RETREG1: variants seen among roughly 807,000 people sequenced by gnomAD.
RETREG1 encodes the protein family with sequence similarity 134 member B.
RETREG1 carries 44 observed loss-of-function variants against 54.8 expected under a neutral mutation model. The ratio of observed to expected loss-of-function variants is 0.80; its 90% CI spans 0.63 to 1.03. The LOEUF (loss-of-function observed/expected upper bound fraction) is 1.03, where lower values mean the gene tolerates loss of function less well. Ranked by LOEUF, RETREG1 falls within the 50% of genes least tolerant of loss-of-function variation. RETREG1 has a pLI of 0.00. For synonymous variants in RETREG1, 217 were observed against 238.5 expected (o/e 0.91, Z 0.83); for missense variants, 554 against 605.1 (o/e 0.92, Z 0.89).
intron 2 of RETREG1, among the ~76,000 whole-genome samples, chr5:16,568,551 G>A (rs1365817464): frequency 6.6e-6 from 1 of 152,128 alleles, no homozygotes; most frequent in Non-Finnish European, 1.5e-5. Flanking sequence ...GAGGTCATGC[G>A]GAGGCATGAG....
chr5:16,581,521 AACACAACACACACAC>A (rs1476403234), intron 1 of RETREG1, among the ~76,000 whole-genome samples: 33 of 85,220 alleles, frequency 3.9e-4, no homozygotes, highest in African/African-American at 9.5e-4. Flanking sequence ...TAAGTTCAGA[AACACAACACACACAC>A]ACACACACAC....
intron 3 of RETREG1, among the ~76,000 whole-genome samples, chr5:16,521,847 T>C (rs2126581841): frequency 1.3e-5 from 2 of 152,374 alleles, no homozygotes; most frequent in Middle Eastern, 6.8e-3. Context: ...ATTTACCCAG[T>C]AGTTTTTGGA....
rs900299975 is a variant in RETREG1 at position 16,473,440 on chromosome 5, G to A, written c.*1301C>T. ...AATATAAGGGATAAAATGAAAGGAA[G>A]AGAACACAGATTTCCTATATTCTTG... On this transcript the variant is annotated 3_prime_UTR_variant, in exon 9 of 9. Transcript: ENST00000306320. The A allele has an allele frequency of 2.0e-5, 3 of 152,566 alleles. No homozygotes were observed. Among genetic ancestry groups the A allele is most frequent in the African/African-American group, 7.2e-5 (3 of 41,440 alleles). 9.5% of individuals were successfully genotyped at this position (152,566 alleles called of 1,614,324 possible).
At chr5:16,579,300 G>C (rs1255992143) in intron 1 of RETREG1, among the ~76,000 whole-genome samples, 2 of 152,152 alleles carry the variant, frequency 1.3e-5, no homozygotes. Flanking sequence ...TCAGAAACTT[G>C]CTCAAGGCCC....
intron 3 of RETREG1, 102 bp from the exon 4 acceptor site, chr5:16,483,574 C>T: frequency 1.1e-5 from 14 of 1,271,618 alleles, no homozygotes; most frequent in Non-Finnish European, 1.6e-5. Flanking sequence ...GTTGGCCACA[C>T]CCTCTGGAAA....
Position 16,532,474 on chromosome 5 carries a change from C to T in RETREG1, c.458+33289G>A, listed in dbSNP as rs1374889962. ...CTGGGAGGCGGAGGTTGTAGTGAGC[C>T]GAGATTGCACCACTGCACTTGAGCT... On this transcript the variant is annotated intron_variant, in intron 3 of 8. Coordinates refer to ENST00000306320, the MANE Select transcript of RETREG1 (RefSeq NM_001034850.3). Among the ~76,000 whole-genome samples the T allele has an allele frequency of 3.3e-5, 5 of 152,142 alleles. 1 individual carries two copies. Among genetic ancestry groups the T allele is most frequent in the South Asian group, 4.1e-4 (2 of 4,824 alleles).
In RETREG1 at chr5:16,598,025, G is replaced by A. The variant is rs114720968; in HGVS notation, c.320+18627C>T. Among the ~76,000 whole-genome samples the A allele has an allele frequency of 6.6e-5, 10 of 151,908 alleles. No homozygotes were observed. In the East Asian group the frequency reaches 1.6e-3, roughly 24 times the overall value. ...CCACTCCAGTTCCAGGCTCTTCACC[G>A]TGCCCTACCTCCTGCCCTGCCTCAC... is the stretch of plus-strand genomic sequence containing the variant. On this transcript the variant is annotated intron_variant, in intron 1 of 8. Transcript: ENST00000306320.
At chr5:16,476,985 A>G (rs534390276) in intron 8 of RETREG1, among the ~76,000 whole-genome samples, 1 of 152,210 alleles carries the variant, frequency 6.6e-6, no homozygotes, top group East Asian at 1.9e-4. Context: ...TCAGCTTTGG[A>G]CTCAGGGAAC....
At position 16,571,133 on chromosome 5, in the gene RETREG1, C is replaced by T. The variant is rs139875872; in HGVS notation, c.427+863G>A. On this transcript the variant is annotated intron_variant, in intron 2 of 8. Coordinates refer to ENST00000306320, the MANE Select transcript of RETREG1 (RefSeq NM_001034850.3). ...ATAGTAAATCCGTACCAGCTGACAT[C>T]GCTGGCTTCTAGTTGCCATCAGGGA... Among the ~76,000 whole-genome samples the T allele has an allele frequency of 1.7e-4, 26 of 152,296 alleles. No individual in the cohort carries two copies. In the East Asian group the frequency reaches 3.9e-3, roughly 23 times the overall value.
intron 7 of RETREG1, 64 bp downstream of exon 7, chr5:16,477,970 G>T: frequency 7.4e-7 from 1 of 1,356,974 alleles, no homozygotes; most frequent in Non-Finnish European, 1.0e-6. Flanking sequence ...ATTCAGCTTT[G>T]TATGCATACA....
At chr5:16,482,544 A>T (rs1250521636) in intron 4 of RETREG1, among the ~76,000 whole-genome samples, 2 of 152,042 alleles carry the variant, frequency 1.3e-5, no homozygotes, top group South Asian at 2.1e-4. Context: ...GCATAGTTCT[A>T]TTATTTAATA....
chr5:16,594,278 T>G lies in RETREG1; in HGVS notation c.321-22176A>C, dbSNP rs1742844684. On this transcript the variant is annotated intron_variant, in intron 1 of 8. Coordinates refer to ENST00000306320, the MANE Select transcript of RETREG1 (RefSeq NM_001034850.3). The surrounding 1 kb of genome is among the most constrained non-coding windows in gnomAD (Gnocchi z 4.4). ...TCAAAATTTCTCCTGATGCCCAACT[T>G]TCATTTTGATAAATGAAAGCTACAA... Among the ~76,000 whole-genome samples the G allele has an allele frequency of 6.6e-6, 1 of 152,242 alleles. No individual in the cohort carries two copies. The highest frequency in any genetic ancestry group is 6.5e-5 in the Admixed American group (1 of 15,290).
chr5:16,476,760 T>C (rs901087804), intron 8 of RETREG1, among the ~76,000 whole-genome samples: 1 of 93,762 alleles, frequency 1.1e-5, no homozygotes, highest in African/African-American at 4.0e-5. Context: ...TCAATAGGGT[T>C]GGGGGTGGGA....
rs1419565672 is a variant in RETREG1, at chr5:16,616,957, C to T, written c.15G>A (p.Ala5=). MASP[A]PPEHAEEGCP... ...ATCCCTCCTCGGCGTGCTCCGGAGG[C>T]GCCGGGCTCGCCATCTTCAGCTGTG... Residue 5 remains alanine (A), a synonymous_variant, in exon 1 of 9, where the codon GCG becomes GCA. Coordinates refer to ENST00000306320, the MANE Select transcript of RETREG1 (RefSeq NM_001034850.3). 2.3e-5 allele frequency: 33 copies of T among 1,433,752 alleles called. No individual in the cohort carries two copies. The East Asian group carries it at 8.8e-4, about 38-fold the overall frequency. 88.8% of individuals were successfully genotyped at this position (1,433,752 alleles called of 1,614,324 possible).
chr5:16,579,225 T>C (rs1742419041), intron 1 of RETREG1, among the ~76,000 whole-genome samples: 1 of 152,202 alleles, frequency 6.6e-6, no homozygotes, highest in Non-Finnish European at 1.5e-5. Flanking sequence ...GAGTCACTCA[T>C]TGAATCCTGT....
chr5:16,558,380 G>T (rs184758047), intron 3 of RETREG1, among the ~76,000 whole-genome samples: 85 of 152,270 alleles, frequency 5.6e-4, no homozygotes, highest in Non-Finnish European at 7.5e-4. Flanking sequence ...AAAGATGCAG[G>T]CCCCTTGACC....
rs377117770 is a variant in RETREG1 at position 16,475,021 on chromosome 5, G to T, written c.1214C>A (p.Thr405Asn). 3.6e-5 allele frequency: 58 copies of T among 1,613,750 alleles called. No individual in the cohort carries two copies. The African/African-American group carries it at 7.2e-4, about 20-fold the overall frequency. ...AGCCAGGTTGCTCATCAGGTGAAAGGTTTGGTCACTGTTCAGAGGAAGGGT... is the reference window on the plus strand; with the variant it reads ...AGCCAGGTTGCTCATCAGGTGAAAGTTTTGGTCACTGTTCAGAGGAAGGGT... ...GLTLPLNSDQ[T>N]FHLMSNLAGD... The change falls in exon 9 of 9, where the codon ACC (threonine) becomes AAC (asparagine). Residue 405 changes from threonine to asparagine, a missense_variant. Physicochemically the swap from Thr to Asn is moderately conservative, Grantham distance 65 (BLOSUM62 0). Around this residue, in one of 4 missense-constraint regions of RETREG1, gnomAD observed 347 missense variants for 412.3 expected, o/e 0.84. Coordinates refer to ENST00000306320, the MANE Select transcript of RETREG1 (RefSeq NM_001034850.3).
chr5:16,521,336 G>A (rs150982376), intron 3 of RETREG1, among the ~76,000 whole-genome samples: 11 of 152,254 alleles, frequency 7.2e-5, no homozygotes, highest in African/African-American at 2.4e-4. Context: ...TCCCTAGGGG[G>A]TTAGTATTGC....
chr5:16,602,094 T>A (rs898951147), intron 1 of RETREG1, among the ~76,000 whole-genome samples: 1 of 152,288 alleles, frequency 6.6e-6, no homozygotes, highest in South Asian at 2.1e-4. Flanking sequence ...CTGTACTCTC[T>A]CAAACCTAGA....
Sources: gnomAD v4.1 joint callset for allele counts (sites outside exome capture counted in the v4.1 genomes callset) on GRCh38, gnomAD v4.1.1 for gene constraint, gnomAD v4.1.1 regional missense constraint, Gnocchi (gnomAD v3.1) non-coding constraint, MANE v1.5 for transcripts, NCBI Gene and HGNC (gene_info 2026-07-23, HGNC 2026-07-21) for gene names.